The following FBLN7 variants were observed in gnomAD, a reference collection of about 807,000 sequenced individuals.
FBLN7 encodes fibulin-7.
FBLN7 carries 31 observed loss-of-function variants against 44.0 expected under a neutral mutation model. That is an observed-to-expected ratio of 0.70 (90% confidence interval 0.53 to 0.95). The LOEUF (loss-of-function observed/expected upper bound fraction) is 0.95, where lower values mean the gene tolerates loss of function less well. FBLN7 is among the 40% of genes least tolerant of loss of function. The pLI, the probability that FBLN7 is intolerant of heterozygous loss-of-function variation, is 0.00. For synonymous variants in FBLN7, 262 were observed against 253.4 expected (o/e 1.03, Z -0.32); for missense variants, 573 against 618.5 (o/e 0.93, Z 0.78).
At chr2:112,218,511 G>C in the FBLN7 span, among the ~76,000 whole-genome samples, 1 of 152,030 alleles carries the variant, frequency 6.6e-6, no homozygotes, top group Non-Finnish European at 1.5e-5. Flanking sequence ...CACAAACAAT[G>C]AACAGTCTAA....
chr2:112,235,618 A>T, the FBLN7 span, among the ~76,000 whole-genome samples: 1 of 152,154 alleles, frequency 6.6e-6, no homozygotes, highest in Admixed American at 6.5e-5. Flanking sequence ...CAAGCCTAAT[A>T]AAAAAAGTTG....
rs528831011 is a variant in FBLN7 at position 112,138,525 on chromosome 2, C to G, written c.-131C>G. 114 of 1,343,944 alleles carry G rather than the reference C, an allele frequency of 8.5e-5. No homozygotes were observed. Among genetic ancestry groups the G allele is most frequent in the Middle Eastern group, 8.0e-4 (3 of 3,770 alleles). 83.3% of individuals were successfully genotyped at this position (1,343,944 alleles called of 1,614,324 possible). ...GCGCTCGGGGCCTCCCGCCTCCCCC[C>G]CTGCCCCAGCCGCCCCCCGGCCGCG... is the stretch of plus-strand genomic sequence containing the variant. On this transcript the variant is annotated 5_prime_UTR_variant, in exon 1 of 8. Transcript: ENST00000331203.
At chr2:112,204,341 T>G in the FBLN7 span, among the ~76,000 whole-genome samples, 1 of 150,166 alleles carries the variant, frequency 6.7e-6, no homozygotes, top group African/African-American at 2.4e-5. Flanking sequence ...CATATCAATA[T>G]ATGTATAATA....
At chr2:112,160,836 GCA>G (rs1312839157) in intron 2 of FBLN7, among the ~76,000 whole-genome samples, 1 of 121,790 alleles carries the variant, frequency 8.2e-6, no homozygotes, top group Non-Finnish European at 1.8e-5. Context: ...ACGCATACAC[GCA>G]CGCACACGCG....
At chr2:112,173,121 G>A (rs1216394653) in intron 3 of FBLN7, among the ~76,000 whole-genome samples, 8 of 152,202 alleles carry the variant, frequency 5.3e-5, no homozygotes, top group Admixed American at 4.6e-4. Context: ...GTGCAAAGGA[G>A]GCAGAGCTGA....
At chr2:112,142,823 C>T (rs992546135) in intron 1 of FBLN7, among the ~76,000 whole-genome samples, 5 of 151,930 alleles carry the variant, frequency 3.3e-5, no homozygotes, top group Non-Finnish European at 5.9e-5. Flanking sequence ...TGTGTGTACA[C>T]ACCTTTTTTG....
At chr2:112,158,505 G>A (rs1031203114) in intron 1 of FBLN7, among the ~76,000 whole-genome samples, 1 of 151,650 alleles carries the variant, frequency 6.6e-6, no homozygotes, top group Middle Eastern at 3.4e-3. Flanking sequence ...GTGCAGTCTC[G>A]GCTCACTGCA....
In FBLN7 at chr2:112,156,592, G is replaced by C. The variant is rs556109783; in HGVS notation, c.76-3084G>C. 5.9e-5 allele frequency among the ~76,000 whole-genome samples: 9 copies of C among 152,294 alleles called. No homozygotes were observed. In the South Asian group the frequency reaches 1.9e-3, roughly 32 times the overall value. ...TGGGTGGCAGGGCTGCACGGTGCTG[G>C]GCAGGTACGGGGTTGCAGGAGGTCG... is the stretch of plus-strand genomic sequence containing the variant. On this transcript the variant is annotated intron_variant, in intron 1 of 7. Transcript: ENST00000331203.
chr2:112,167,079 C>T (rs1433382540), intron 3 of FBLN7, among the ~76,000 whole-genome samples: 6 of 152,232 alleles, frequency 3.9e-5, no homozygotes, highest in South Asian at 2.1e-4. Context: ...CACCTGCCCA[C>T]GCACCCCCAA....
chr2:112,155,534 C>T (rs989031725), intron 1 of FBLN7, among the ~76,000 whole-genome samples: 2 of 152,210 alleles, frequency 1.3e-5, no homozygotes, highest in African/African-American at 4.8e-5. Flanking sequence ...CTGGGATGGG[C>T]CACAGCCTCC....
At position 112,187,707 on chromosome 2, in the gene FBLN7, CT is replaced by C. The variant is rs3215304; in HGVS notation, c.*212del. 0.024 allele frequency: 10,833 copies of C among 446,146 alleles called. No individual in the cohort carries two copies. The highest frequency in any genetic ancestry group is 0.046 in the South Asian group (1,487 of 31,990). The allele number at this position is 446,146 out of a possible 1,614,324, so 27.6% of individuals were successfully genotyped here. ...ACAAAACTCAACTGCTGCCATCACT[CT>C]TTTTTTTTTTCTGCTTTGAGGCCCT... On this transcript the variant is annotated 3_prime_UTR_variant, in exon 8 of 8. Coordinates refer to ENST00000331203, the MANE Select transcript of FBLN7 (RefSeq NM_153214.3). This position sits in a 1 kb window ranked among gnomAD's most constrained non-coding sequence, Gnocchi z 5.1.
intron 3 of FBLN7, among the ~76,000 whole-genome samples, chr2:112,171,129 T>G (rs1019899607): frequency 8.4e-4 from 128 of 152,194 alleles, no homozygotes; most frequent in Non-Finnish European, 1.1e-3. Context: ...CTAGTGGAGA[T>G]CCATTCATTC....
At chr2:112,242,463 A>G in the FBLN7 span, among the ~76,000 whole-genome samples, 1 of 152,246 alleles carries the variant, frequency 6.6e-6, no homozygotes, top group Admixed American at 6.5e-5. Flanking sequence ...ATCACTTCGT[A>G]GAGATGCTCA....
chr2:112,215,857 CTAAATTTAGAAATGGTA>C, the FBLN7 span: 1 of 151,996 alleles, frequency 6.6e-6, no homozygotes, highest in Non-Finnish European at 1.5e-5. Context: ...GTTACGAACT[CTAAATTTAGAAATGGTA>C]TAGTAAGAGA....
chr2:112,184,744 A>G (rs1163187238), intron 6 of FBLN7, among the ~76,000 whole-genome samples: 1 of 146,054 alleles, frequency 6.8e-6, no homozygotes, highest in Non-Finnish European at 1.5e-5. Context: ...GTATATATAT[A>G]TACACACACC....
intron 3 of FBLN7, among the ~76,000 whole-genome samples, chr2:112,172,045 C>T (rs990625871): frequency 1.3e-5 from 2 of 152,206 alleles, no homozygotes; most frequent in African/African-American, 2.4e-5. Flanking sequence ...CCACCGCACC[C>T]GACCATTAAG....
intron 2 of FBLN7, among the ~76,000 whole-genome samples, chr2:112,160,766 ACACGCAGACG>A (rs1558880202): frequency 1.4e-4 from 5 of 35,466 alleles, no homozygotes; most frequent in African/African-American, 3.0e-4. Context: ...ACACGCACGC[ACACGCAGACG>A]CACACGCACG....
intron 1 of FBLN7, among the ~76,000 whole-genome samples, chr2:112,153,894 G>A (rs757380989): frequency 3.3e-5 from 5 of 152,224 alleles, no homozygotes; most frequent in Admixed American, 1.3e-4. Flanking sequence ...AAGGGCAGGG[G>A]TGGATGGAGC....
At chr2:112,200,192 G>T in the FBLN7 span, among the ~76,000 whole-genome samples, 1 of 152,178 alleles carries the variant, frequency 6.6e-6, no homozygotes, top group Non-Finnish European at 1.5e-5. Flanking sequence ...TGCAATCCCT[G>T]ATCCACTGGA....
Sources: gnomAD v4.1 joint callset for allele counts (sites outside exome capture counted in the v4.1 genomes callset) on GRCh38, gnomAD v4.1.1 for gene constraint, Gnocchi (gnomAD v3.1) non-coding constraint, MANE v1.5 for transcripts, NCBI Gene and HGNC (gene_info 2026-07-23, HGNC 2026-07-21) for gene names.